Variants in TEAD1 observed in about 807,000 individuals in gnomAD.
The protein encoded by TEAD1 is TEA domain transcription factor 1.
Under a neutral mutation model 54.9 loss-of-function variants are expected in TEAD1, and 9 were observed. The observed-to-expected ratio is 0.16, with a 90% confidence interval of 0.10 to 0.29. The LOEUF is 0.29. Among genes scored for constraint, TEAD1 ranks in the 10% least tolerant of loss-of-function variants. The pLI is 1.00. For missense variants in TEAD1, 387 were observed against 535.9 expected, an observed-to-expected ratio of 0.72 and a Z score of 2.74; for synonymous variants, 200 against 187.8, an observed-to-expected ratio of 1.07 and a Z score of -0.53.
chr11:12,904,833 G>T (rs563834400), intron 10 of TEAD1: 3 of 351,746 alleles, frequency 8.5e-6, no homozygotes, highest in Admixed American at 3.7e-5. Flanking sequence ...TTGCAGTATC[G>T]TACATGATCA....
intron 2 of TEAD1, among the ~76,000 whole-genome samples, chr11:12,742,979 C>T (rs974418512): frequency 2.6e-5 from 4 of 152,276 alleles, no homozygotes; most frequent in East Asian, 1.9e-4. Flanking sequence ...CAGAGTGGCC[C>T]GTGGTCCAGC....
At chr11:12,915,997 T>G (rs990569803) in intron 10 of TEAD1, among the ~76,000 whole-genome samples, 2 of 152,126 alleles carry the variant, frequency 1.3e-5, no homozygotes, top group African/African-American at 4.8e-5. Context: ...TTTGGAAACT[T>G]TTGATGGGGT....
At chr11:12,785,979 C>G (rs556833257) in intron 3 of TEAD1, among the ~76,000 whole-genome samples, 2 of 152,312 alleles carry the variant, frequency 1.3e-5, no homozygotes, top group South Asian at 2.1e-4. Context: ...GCATCCTACT[C>G]TGCAAACCTG....
chr11:12,703,801 G>T (rs1943755252), intron 2 of TEAD1, among the ~76,000 whole-genome samples: 1 of 152,158 alleles, frequency 6.6e-6, no homozygotes, highest in Admixed American at 6.5e-5. Context: ...TGACCTGCAG[G>T]AGCAGCCATC....
chr11:12,764,569 C>A, intron 3 of TEAD1, 135 bp downstream of exon 3: 1 of 1,032,690 alleles, frequency 9.7e-7, no homozygotes, highest in East Asian at 2.5e-5. Flanking sequence ...AGTGGGTCAT[C>A]CAAAGGACTC....
At chr11:12,791,548 T>C (rs1482729606) in intron 3 of TEAD1, among the ~76,000 whole-genome samples, 4 of 152,136 alleles carry the variant, frequency 2.6e-5, no homozygotes, top group East Asian at 1.9e-4. Context: ...ACCTGATCAG[T>C]AGGCTTTTTT....
intron 3 of TEAD1, among the ~76,000 whole-genome samples, chr11:12,793,538 T>A (rs371692818): frequency 3.5e-4 from 53 of 152,354 alleles, no homozygotes; most frequent in African/African-American, 1.2e-3. Flanking sequence ...TATTGTTTAA[T>A]TTTGTTCAGT....
chr11:12,854,532 C>T (rs760641709), intron 3 of TEAD1, among the ~76,000 whole-genome samples: 1 of 152,152 alleles, frequency 6.6e-6, no homozygotes, highest in Non-Finnish European at 1.5e-5. Context: ...GACCAGTTCT[C>T]ATGGGTTGGA....
intron 9 of TEAD1, among the ~76,000 whole-genome samples, chr11:12,883,708 A>C (rs530440807): frequency 6.6e-6 from 1 of 152,274 alleles, no homozygotes; most frequent in Admixed American, 6.5e-5. Flanking sequence ...TTCTCTTCTT[A>C]AGAACAACTT....
intron 3 of TEAD1, among the ~76,000 whole-genome samples, chr11:12,839,770 T>C (rs1946985132): frequency 6.6e-6 from 1 of 152,110 alleles, no homozygotes; most frequent in African/African-American, 2.4e-5. Context: ...AATAGAAATT[T>C]GCAGGCAGCA....
chr11:12,845,978 T>G (rs1377274478), intron 3 of TEAD1, among the ~76,000 whole-genome samples: 1 of 152,236 alleles, frequency 6.6e-6, no homozygotes, highest in African/African-American at 2.4e-5. Context: ...CCGAGCATGC[T>G]TACAGCTGGC....
chr11:12,889,124 C>A (rs1948148158), intron 9 of TEAD1, among the ~76,000 whole-genome samples: 1 of 152,194 alleles, frequency 6.6e-6, no homozygotes, highest in Non-Finnish European at 1.5e-5. Context: ...AAAACAAAGA[C>A]TATTTTAGTT....
At chr11:12,832,733 T>G (rs948571035) in intron 3 of TEAD1, among the ~76,000 whole-genome samples, 2 of 152,252 alleles carry the variant, frequency 1.3e-5, no homozygotes, top group Non-Finnish European at 2.9e-5. Flanking sequence ...CACTCATTCC[T>G]TTTTAACAAA....
chr11:12,693,917 C>G (rs1943519743), intron 2 of TEAD1, among the ~76,000 whole-genome samples: 1 of 152,230 alleles, frequency 6.6e-6, no homozygotes, highest in Admixed American at 6.5e-5. Context: ...CTGGCTATAG[C>G]CGCGTTGGTG....
At chr11:12,915,523 C>T (rs1337444776) in intron 10 of TEAD1, among the ~76,000 whole-genome samples, 1 of 152,170 alleles carries the variant, frequency 6.6e-6, no homozygotes, top group Non-Finnish European at 1.5e-5. Flanking sequence ...TATTTACTGC[C>T]AAAAGGCAAA....
At chr11:12,837,937 G>A (rs532746330) in intron 3 of TEAD1, among the ~76,000 whole-genome samples, 41 of 151,886 alleles carry the variant, frequency 2.7e-4, no homozygotes, top group South Asian at 6.2e-4. Flanking sequence ...CAAGCAGCTG[G>A]TGCCTGCCAC....
intron 10 of TEAD1, among the ~76,000 whole-genome samples, chr11:12,911,337 A>G (rs1336308012): frequency 6.6e-6 from 1 of 152,182 alleles, no homozygotes; most frequent in African/African-American, 2.4e-5. Flanking sequence ...CTTGTTTCTA[A>G]TTGTATTCTG....
intron 2 of TEAD1, among the ~76,000 whole-genome samples, chr11:12,761,440 CATCTTTGGGCTGT>C (rs1449405223): frequency 6.6e-6 from 1 of 152,152 alleles, no homozygotes; most frequent in Non-Finnish European, 1.5e-5. Context: ...AGAATCTTCC[CATCTTTGGGCTGT>C]GGGCTGAGGC....
chr11:12,881,259 C>T (rs10766001), intron 7 of TEAD1, among the ~76,000 whole-genome samples: 92,104 of 151,950 alleles, frequency 0.61, 28,819 homozygotes, highest in East Asian at 0.94. Context: ...TGGAAGCACC[C>T]CATTCCCACC....
Sources: gnomAD v4.1 joint callset for allele counts (sites outside exome capture counted in the v4.1 genomes callset) on GRCh38, gnomAD v4.1.1 for gene constraint, MANE v1.5 for transcripts, NCBI Gene and HGNC (gene_info 2026-07-23, HGNC 2026-07-21) for gene names.